The following SPTA1 variants were observed in gnomAD, a reference collection of about 807,000 sequenced individuals.
SPTA1 encodes spectrin alpha, erythrocytic 1, also known as spectrin alpha chain, erythrocytic 1.
SPTA1 carries 177 observed loss-of-function variants against 324.7 expected under a neutral mutation model. The observed-to-expected ratio is 0.55, with a 90% CI of 0.48 to 0.62. The LOEUF is 0.62. Ranked by LOEUF, SPTA1 falls within the 20% of genes least tolerant of loss-of-function variation. The probability of loss-of-function intolerance (pLI) is 0.00; values close to 1 mark genes in which losing one functional copy is unlikely to be tolerated. For synonymous variants in SPTA1, 1,195 were observed against 1,041.3 expected (o/e 1.15, Z -2.84); for missense variants, 3,162 against 2,883.6 (o/e 1.10, Z -2.21).
intron 16 of SPTA1, among the ~76,000 whole-genome samples, chr1:158,664,599 T>C (rs1653465014): frequency 6.6e-6 from 1 of 152,310 alleles, no homozygotes; most frequent in Non-Finnish European, 1.5e-5. Context: ...CAAACCACCA[T>C]GGTACATGTA....
chr1:158,680,482 C>T (rs561305816), intron 5 of SPTA1, 101 bp downstream of exon 5: 1 of 1,545,896 alleles, frequency 6.5e-7, no homozygotes, highest in Admixed American at 1.7e-5. Flanking sequence ...TCTGTTTTCT[C>T]ACAATGCCCC....
chr1:158,624,691 T>C (rs1364579615), intron 42 of SPTA1, among the ~76,000 whole-genome samples: 1 of 152,202 alleles, frequency 6.6e-6, no homozygotes, highest in Non-Finnish European at 1.5e-5. Flanking sequence ...GGGGCTATAA[T>C]AAGGAAACTG....
chr1:158,642,330 T>G, intron 33 of SPTA1, 81 bp downstream of exon 33: 1 of 1,423,076 alleles, frequency 7.0e-7, no homozygotes. Context: ...TTAAAAAAAA[T>G]ACAATAAATT....
At chr1:158,622,389 C>T (rs1190512555) in intron 43 of SPTA1, among the ~76,000 whole-genome samples, 1 of 151,668 alleles carries the variant, frequency 6.6e-6, no homozygotes, top group South Asian at 2.1e-4. Flanking sequence ...ATTATTAATA[C>T]ACACATATTA....
In SPTA1 at chr1:158,615,405, T is replaced by C. The variant is rs1356441113; in HGVS notation, c.6601-2A>G. The stretch of plus-strand genomic sequence containing the variant: ...CGCCTGGATCTCCTTCTGTTTTCTC[T>C]GGAAAAACGACAGAGAAGAGAGACA... On this transcript the variant is annotated splice_acceptor_variant, in intron 47 of 51. Transcript: ENST00000643759. LOFTEE classifies it high-confidence loss of function. 1 of 1,613,968 alleles carries C rather than the reference T, an allele frequency of 6.2e-7. No homozygotes were observed. The highest frequency in any genetic ancestry group is 8.5e-7 in the Non-Finnish European group (1 of 1,179,966).
intron 47 of SPTA1, among the ~76,000 whole-genome samples, chr1:158,616,128 A>C (rs1649542647): frequency 6.6e-6 from 1 of 152,224 alleles, no homozygotes; most frequent in Non-Finnish European, 1.5e-5. Context: ...TCATTTATAT[A>C]TAATAGATGT....
rs532807793 is a variant in SPTA1 at position 158,614,711 on chromosome 1, A to G, written c.6789-405T>C. The G allele has an allele frequency of 6.7e-5, 13 of 194,662 alleles. No homozygotes were observed. In the Admixed American group the frequency reaches 6.9e-4, roughly 10 times the overall value. The allele number at this position is 194,662 out of a possible 1,614,324, so 12.1% of individuals were successfully genotyped here. A position where few individuals can be genotyped will look rare whatever the true frequency, so the allele number is the denominator to read the frequency against. On this transcript the variant is annotated intron_variant, in intron 48 of 51. Transcript: ENST00000643759. The stretch of plus-strand genomic sequence containing the variant: ...TATATGTGCCTTACAAAGTTAAATT[A>G]TTTATTATCAGACCATTTACAGAAA...
intron 51 of SPTA1, 184 bp downstream of exon 51, chr1:158,612,633 T>A: frequency 1.5e-6 from 1 of 648,284 alleles, no homozygotes. Flanking sequence ...AGTACCACAG[T>A]ACGTTTTTGA....
Position 158,611,109 on chromosome 1 carries a change from T to C in SPTA1, c.*155A>G. The C allele has an allele frequency of 1.0e-6, 1 of 972,468 alleles. No homozygotes were observed. The highest frequency in any genetic ancestry group is 1.5e-6 in the Non-Finnish European group (1 of 652,736). The allele number at this position is 972,468 out of a possible 1,614,324, so 60.2% of individuals were successfully genotyped here. A position where few individuals can be genotyped will look rare whatever the true frequency, so the allele number is the denominator to read the frequency against. On this transcript the variant is annotated 3_prime_UTR_variant, in exon 52 of 52. Coordinates refer to ENST00000643759, the MANE Select transcript of SPTA1 (RefSeq NM_003126.4). ...AGATTTTTTAAGATCCTACAATAAA[T>C]GTAATATGCACACAAACACAAGCAC...
rs1649221042 is a variant in SPTA1, at chr1:158,611,015, A to G, written c.*249T>C. 1.6e-5 allele frequency: 8 copies of G among 495,930 alleles called. No individual in the cohort carries two copies. Among genetic ancestry groups the G allele is most frequent in the Non-Finnish European group, 2.9e-5 (8 of 272,188 alleles). The allele number at this position is 495,930 out of a possible 1,614,324, so 30.7% of individuals were successfully genotyped here. A position where few individuals can be genotyped will look rare whatever the true frequency, so the allele number is the denominator to read the frequency against. ...AATAGAAACTTTGACACCCCTCAGC[A>G]GTGACTAGTTGCATACAAAATAGCT... is the stretch of plus-strand genomic sequence containing the variant. On this transcript the variant is annotated 3_prime_UTR_variant, in exon 52 of 52. Transcript: ENST00000643759.
intron 45 of SPTA1, 67 bp from the exon 46 acceptor site, chr1:158,618,123 A>G: frequency 1.4e-6 from 2 of 1,442,702 alleles, no homozygotes; most frequent in Non-Finnish European, 9.8e-7. Context: ...AAAATGGATT[A>G]CTTTAAAGAT....
At chr1:158,653,165 A>AT in intron 22 of SPTA1, 109 bp downstream of exon 22, 2 of 1,524,236 alleles carry the variant, frequency 1.3e-6, no homozygotes, top group Non-Finnish European at 1.8e-6. Flanking sequence ...AAATCTTCAG[A>AT]TTTTCTGTGG....
rs534743051 is a variant in SPTA1, at chr1:158,644,422, A to G, written c.4195-26T>C. 5.0e-6 allele frequency: 8 copies of G among 1,613,432 alleles called. No homozygotes were observed. In the South Asian group the frequency reaches 8.8e-5, roughly 18 times the overall value. On this transcript the variant is annotated intron_variant, in intron 29 of 51. Coordinates refer to ENST00000643759, the MANE Select transcript of SPTA1 (RefSeq NM_003126.4). ...CTATGAGGAATCAAATGAGAGGGGTATGGTATAGTCCATGTGGTGTGGAGG... is the reference window on the plus strand; with the variant it reads ...CTATGAGGAATCAAATGAGAGGGGTGTGGTATAGTCCATGTGGTGTGGAGG...
At chr1:158,679,267 C>A (rs902068175) in intron 5 of SPTA1, among the ~76,000 whole-genome samples, 5 of 152,046 alleles carry the variant, frequency 3.3e-5, no homozygotes, top group African/African-American at 9.7e-5. Flanking sequence ...GCAGTGTAGG[C>A]CCCACTCGAG....
chr1:158,615,340 T>C lies in SPTA1; in HGVS notation c.6664A>G (p.Asn2222Asp), dbSNP rs780541402. The change falls in exon 48 of 52, where the codon AAC becomes GAC. Residue 2222 changes from asparagine to aspartate, a missense_variant. Physicochemically the swap from Asn to Asp is conservative, Grantham distance 23 (BLOSUM62 1). Coordinates refer to ENST00000643759, the MANE Select transcript of SPTA1 (RefSeq NM_003126.4). ...QLTKIVDLGDNLEDALILDIK... is the reference protein window; with the variant it reads ...QLTKIVDLGDDLEDALILDIK... Reference sequence around the variant, plus strand: ...TCAAGGATCAGAGCGTCTTCCAAGTTGTCCCCCAGGTCCACAATCTTGGTT... The same window carrying C: ...TCAAGGATCAGAGCGTCTTCCAAGTCGTCCCCCAGGTCCACAATCTTGGTT... 5 of 1,614,004 alleles carry C rather than the reference T, an allele frequency of 3.1e-6. No individual in the cohort carries two copies.
At position 158,647,684 on chromosome 1, in the gene SPTA1, C is replaced by T. The variant is rs771093658; in HGVS notation, c.3751G>A (p.Glu1251Lys). The T allele has an allele frequency of 6.8e-6, 11 of 1,613,918 alleles. No homozygotes were observed. In the Admixed American group the frequency reaches 1.8e-4, roughly 27 times the overall value. The change falls in exon 27 of 52, where the codon GAG becomes AAG. Residue 1251 changes from glutamate to lysine, a missense_variant. Physicochemically the swap from Glu to Lys is moderately conservative, Grantham distance 56. Coordinates refer to ENST00000643759, the MANE Select transcript of SPTA1 (RefSeq NM_003126.4). ...ILGETAERLS[E>K]SHPDATEDLQ... ...TCCTCAGTGGCATCTGGATGGGACT[C>T]ACTGAGCCGCTCTGCTGTCTCCCCC...
chr1:158,677,397 T>G (rs1298010881), intron 7 of SPTA1, among the ~76,000 whole-genome samples: 1 of 152,094 alleles, frequency 6.6e-6, no homozygotes, highest in Non-Finnish European at 1.5e-5. Flanking sequence ...GAATCAACCT[T>G]GAAGGTATAT....
intron 27 of SPTA1, among the ~76,000 whole-genome samples, chr1:158,646,488 AAAACAAAAAAC>A (rs1191756276): frequency 6.6e-6 from 1 of 152,182 alleles, no homozygotes; most frequent in African/African-American, 2.4e-5. Flanking sequence ...AAAACAAAAC[AAAACAAAAAAC>A]AAACAAAAAA....
chr1:158,670,641 T>C (rs942858025), intron 12 of SPTA1, among the ~76,000 whole-genome samples: 1 of 152,192 alleles, frequency 6.6e-6, no homozygotes, highest in African/African-American at 2.4e-5. Context: ...ATACAATGTA[T>C]TGGACCCATG....
Sources: gnomAD v4.1 joint callset for allele counts (sites outside exome capture counted in the v4.1 genomes callset) on GRCh38, gnomAD v4.1.1 for gene constraint, MANE v1.5 for transcripts, NCBI Gene and HGNC (gene_info 2026-07-23, HGNC 2026-07-21) for gene names.